The following ZNF12 variants were observed in gnomAD, a reference collection of about 807,000 sequenced individuals.
ZNF12 encodes the protein zinc finger protein 12, also known as gonadotropin inducible transcription repressor 3.
ZNF12 carries 34 observed loss-of-function variants against 66.6 expected under a neutral mutation model. That is an observed-to-expected ratio of 0.51 (90% CI 0.39 to 0.68). The LOEUF is 0.68. Ranked by LOEUF, ZNF12 falls within the 30% of genes least tolerant of loss-of-function variation. ZNF12 has a pLI of 0.00. For missense variants in ZNF12, 697 were observed against 826.9 expected (o/e 0.84, Z 1.93); for synonymous variants, 320 against 278.9 (o/e 1.15, Z -1.47).
In ZNF12 at chr7:6,691,243, G is replaced by A; in HGVS notation, c.1699C>T (p.His567Tyr). ...TTCTCTCCTGAATGAATTCTATGAT[G>A]TATAGTGAGGTATGACATCTGAGAG... ...FFSQMSYLTI[H>Y]HRIHSGEKPY... Residue 567 changes from histidine (H) to tyrosine (Y), a missense_variant, in exon 5 of 5, where the codon CAT becomes TAT. His to Tyr is a moderately conservative substitution (Grantham distance 83). Transcript: ENST00000405858. The A allele has an allele frequency of 6.2e-7, 1 of 1,614,152 alleles. No individual in the cohort carries two copies. The highest frequency in any genetic ancestry group is 8.5e-7 in the Non-Finnish European group (1 of 1,180,002).
chr7:6,690,512 C>A lies in ZNF12; in HGVS notation c.*336G>T. ...CATATCTTTTAGTATTAACAGTTTC[C>A]AAAGGATTATGTCTTCCACATTCCT... On this transcript the variant is annotated 3_prime_UTR_variant, in exon 5 of 5. Transcript: ENST00000405858. The A allele has an allele frequency of 5.4e-6, 1 of 184,680 alleles. No homozygotes were observed. Among genetic ancestry groups the A allele is most frequent in the Non-Finnish European group, 1.1e-5 (1 of 89,700 alleles). 11.4% of individuals were successfully genotyped at this position (184,680 alleles called of 1,614,324 possible).
intron 2 of ZNF12, among the ~76,000 whole-genome samples, chr7:6,699,942 AT>A (rs919775371): frequency 2.6e-5 from 4 of 151,758 alleles, no homozygotes; most frequent in Non-Finnish European, 4.4e-5. Context: ...TTTATTTTCG[AT>A]TTTTTTTTAA....
rs1248656009 is a variant in ZNF12, at chr7:6,692,289, T to G, written c.653A>C (p.Glu218Ala). The G allele has an allele frequency of 1.2e-6, 2 of 1,611,770 alleles. No individual in the cohort carries two copies. The highest frequency in any genetic ancestry group is 8.5e-7 in the Non-Finnish European group (1 of 1,179,220). ...QKIRILEKPF[E>A]YIECQKAFQK... ...GAAGGCTTTCTGGCATTCAATATAT[T>G]CAAAAGGTTTCTCCAAAATACGAAT... The change falls in exon 5 of 5, where the codon GAA (glutamate) becomes GCA (alanine). Residue 218 changes from glutamate (E) to alanine (A), a missense_variant. Glu to Ala is a moderately radical substitution (Grantham distance 107). Transcript: ENST00000405858. The surrounding 1 kb of genome is among the most constrained non-coding windows in gnomAD (Gnocchi z 5.1).
chr7:6,695,670 A>G (rs1271223981), intron 4 of ZNF12, among the ~76,000 whole-genome samples: 7 of 152,264 alleles, frequency 4.6e-5, no homozygotes, highest in Admixed American at 3.9e-4. Context: ...TTACAGGACT[A>G]TGATCCAAGA....
rs1048305125 is a variant in ZNF12 at position 6,697,264 on chromosome 7, G to C, written c.238+75C>G. ...CAACTATTTCTAGTCACTTCTAAAG[G>C]TTCGGGACCATTAAAAAATCCCTGG... On this transcript the variant is annotated intron_variant, in intron 4 of 4. Coordinates refer to ENST00000405858, the MANE Select transcript of ZNF12 (RefSeq NM_016265.4). This position sits in a 1 kb window ranked among gnomAD's most constrained non-coding sequence, Gnocchi z 6.1. 6.3e-5 allele frequency: 73 copies of C among 1,161,876 alleles called. 1 individual carries two copies. In the Admixed American group the frequency reaches 1.5e-3, roughly 24 times the overall value. The allele number at this position is 1,161,876 out of a possible 1,614,324, so 72.0% of individuals were successfully genotyped here. A position where few individuals can be genotyped will look rare whatever the true frequency, so the allele number is the denominator to read the frequency against.
Position 6,692,837 on chromosome 7 carries a change from C to A in ZNF12, c.239-134G>T. The A allele has an allele frequency of 3.6e-6, 3 of 825,404 alleles. No individual in the cohort carries two copies. The highest frequency in any genetic ancestry group is 2.8e-5 in the East Asian group (1 of 36,082). The allele number at this position is 825,404 out of a possible 1,614,324, so 51.1% of individuals were successfully genotyped here. A position where few individuals can be genotyped will look rare whatever the true frequency, so the allele number is the denominator to read the frequency against. ...CTTCATGAACAGATGAAAATAATTCCAAGTGTACTCTTCTCCTTTATGCTT... is the reference window on the plus strand; with the variant it reads ...CTTCATGAACAGATGAAAATAATTCAAAGTGTACTCTTCTCCTTTATGCTT... On this transcript the variant is annotated intron_variant, in intron 4 of 4. Coordinates refer to ENST00000405858, the MANE Select transcript of ZNF12 (RefSeq NM_016265.4). This position sits in a 1 kb window ranked among gnomAD's most constrained non-coding sequence, Gnocchi z 5.1.
chr7:6,697,358 G>A lies in ZNF12; in HGVS notation c.219C>T (p.Phe73=), dbSNP rs536136393. The A allele has an allele frequency of 1.9e-6, 3 of 1,610,290 alleles. No homozygotes were observed. The highest frequency in any genetic ancestry group is 2.7e-5 in the African/African-American group (2 of 74,874). Residue 73 remains phenylalanine, a synonymous_variant, in exon 4 of 5, where the codon TTC becomes TTT. Coordinates refer to ENST00000405858, the MANE Select transcript of ZNF12 (RefSeq NM_016265.4). This position sits in a 1 kb window ranked among gnomAD's most constrained non-coding sequence, Gnocchi z 6.1. ...ACACACCTGGATAGCTCTGAAGTAG[G>A]AATTCTCCTTCTACTATCCATGGCT... The part of the protein sequence containing the change: ...GEEPWIVEGE[F]LLQSYPDEVW...
At position 6,697,239 on chromosome 7, in the gene ZNF12, C is replaced by T. The variant is rs1305679468; in HGVS notation, c.238+100G>A. On this transcript the variant is annotated intron_variant, in intron 4 of 4. Coordinates refer to ENST00000405858, the MANE Select transcript of ZNF12 (RefSeq NM_016265.4). This position sits in a 1 kb window ranked among gnomAD's most constrained non-coding sequence, Gnocchi z 6.1. ...GATTCAGGTTCATAGAGCATATAAGCAACTATTTCTAGTCACTTCTAAAGG... is the reference window on the plus strand; with the variant it reads ...GATTCAGGTTCATAGAGCATATAAGTAACTATTTCTAGTCACTTCTAAAGG... 1.2e-6 allele frequency: 1 copy of T among 835,098 alleles called. No individual in the cohort carries two copies. Among genetic ancestry groups the T allele is most frequent in the Middle Eastern group, 2.4e-4 (1 of 4,136 alleles). The allele number at this position is 835,098 out of a possible 1,614,324, so 51.7% of individuals were successfully genotyped here.
chr7:6,705,221 G>C lies in ZNF12; in HGVS notation c.-48C>G. On this transcript the variant is annotated splice_region_variant and 5_prime_UTR_variant, in exon 2 of 5. It adds an upstream start codon to the 5' untranslated region. Coordinates refer to ENST00000405858, the MANE Select transcript of ZNF12 (RefSeq NM_016265.4). The surrounding 1 kb of genome is among the most constrained non-coding windows in gnomAD (Gnocchi z 4.0). Reference sequence around the variant, plus strand: ...CTGGAGGACTGTGAAAGCGGAGGCAGATCTGGGGAAGGAAAACCCAAGCCA... The same window carrying C: ...CTGGAGGACTGTGAAAGCGGAGGCACATCTGGGGAAGGAAAACCCAAGCCA... 4 of 1,612,754 alleles carry C rather than the reference G, an allele frequency of 2.5e-6. No homozygotes were observed. The highest frequency in any genetic ancestry group is 2.2e-5 in the South Asian group (2 of 90,918).
chr7:6,699,734 C>G (rs1313274488), intron 2 of ZNF12, among the ~76,000 whole-genome samples: 1 of 152,166 alleles, frequency 6.6e-6, no homozygotes, highest in Non-Finnish European at 1.5e-5. Flanking sequence ...GTATGTCCAC[C>G]TGATATCTGT....
intron 2 of ZNF12, among the ~76,000 whole-genome samples, chr7:6,701,757 C>G (rs1405743411): frequency 6.6e-6 from 1 of 152,100 alleles, no homozygotes; most frequent in East Asian, 1.9e-4. Context: ...GTTTGCATCT[C>G]TGTCCCCTCT....
rs758462820 is a variant in ZNF12 at position 6,692,589 on chromosome 7, C to T, written c.353G>A (p.Gly118Asp). The T allele has an allele frequency of 6.2e-7, 1 of 1,613,834 alleles. No homozygotes were observed. Among genetic ancestry groups the T allele is most frequent in the Non-Finnish European group, 8.5e-7 (1 of 1,179,826 alleles). ...GTTCGTTTCTACATCAAAAGTTTTA[C>T]CAGGAACATTACCTCTCTCTTCAAT... ...TLIEERGNVP[G>D]KTFDVETNPV... Residue 118 changes from glycine (G) to aspartate (D), a missense_variant, in exon 5 of 5, where the codon GGT (glycine) becomes GAT (aspartate). Physicochemically the swap from Gly to Asp is moderately conservative, Grantham distance 94. Transcript: ENST00000405858. This position sits in a 1 kb window ranked among gnomAD's most constrained non-coding sequence, Gnocchi z 5.1.
intron 4 of ZNF12, among the ~76,000 whole-genome samples, chr7:6,694,719 T>C (rs1477695981): frequency 6.6e-6 from 1 of 152,244 alleles, no homozygotes; most frequent in African/African-American, 2.4e-5. Context: ...CTTGACTTCC[T>C]GCCTTCATCT....
chr7:6,693,728 T>C (rs1300017494), intron 4 of ZNF12, among the ~76,000 whole-genome samples: 1 of 152,222 alleles, frequency 6.6e-6, no homozygotes, highest in African/African-American at 2.4e-5. Context: ...AAACACATGC[T>C]TGATAAGCTT....
In ZNF12 at chr7:6,692,587, T is replaced by C. The variant is rs367631619; in HGVS notation, c.355A>G (p.Lys119Glu). The C allele has an allele frequency of 9.2e-5, 148 of 1,613,930 alleles. No individual in the cohort carries two copies. In the East Asian group the frequency reaches 2.9e-3, roughly 31 times the overall value. Residue 119 changes from lysine (K) to glutamate (E), a missense_variant, in exon 5 of 5, where the codon AAA (lysine) becomes GAA (glutamate). Coordinates refer to ENST00000405858, the MANE Select transcript of ZNF12 (RefSeq NM_016265.4). The surrounding 1 kb of genome is among the most constrained non-coding windows in gnomAD (Gnocchi z 5.1). ...GGGTTCGTTTCTACATCAAAAGTTT[T>C]ACCAGGAACATTACCTCTCTCTTCA... Reference protein sequence around the residue: ...LIEERGNVPGKTFDVETNPVP... With the variant: ...LIEERGNVPGETFDVETNPVP...
chr7:6,700,972 G>GTTCATTCA (rs541280987), intron 2 of ZNF12: 1 of 150,504 alleles, frequency 6.6e-6, no homozygotes, highest in Non-Finnish European at 1.5e-5. Flanking sequence ...TTGTTCGTTT[G>GTTCATTCA]TTCATTCATT....
intron 2 of ZNF12, among the ~76,000 whole-genome samples, chr7:6,703,051 CA>C (rs1780282532): frequency 6.6e-6 from 1 of 151,742 alleles, no homozygotes; most frequent in African/African-American, 2.4e-5. Flanking sequence ...CACACACACA[CA>C]CACACACACA....
At chr7:6,694,184 A>C (rs1271282492) in intron 4 of ZNF12, among the ~76,000 whole-genome samples, 1 of 151,578 alleles carries the variant, frequency 6.6e-6, no homozygotes, top group Admixed American at 6.6e-5. Flanking sequence ...AAAACAAAAC[A>C]AACAAAACAA....
chr7:6,699,278 G>A (rs570271319), intron 2 of ZNF12, among the ~76,000 whole-genome samples: 3 of 152,306 alleles, frequency 2.0e-5, no homozygotes, highest in Non-Finnish European at 2.9e-5. Flanking sequence ...AACACCTTGG[G>A]TTTCATATGT....
Sources: allele counts gnomAD v4.1 joint callset (sites outside exome capture counted in the v4.1 genomes callset), GRCh38; gene constraint gnomAD v4.1.1; non-coding constraint Gnocchi (gnomAD v3.1); transcripts MANE v1.5; gene names NCBI Gene and HGNC (gene_info 2026-07-23, HGNC 2026-07-21).